The following TBL3 variants were observed in gnomAD, a reference collection of about 807,000 sequenced individuals.
TBL3 encodes the protein transducin beta-like protein 3.
In TBL3, 71 loss-of-function variants were observed where a neutral mutation model predicts 102.7. That is an observed-to-expected ratio of 0.69 (90% CI 0.57 to 0.84). TBL3 has a LOEUF of 0.84. TBL3 is among the 40% of genes least tolerant of loss of function. TBL3 has a pLI of 0.00. For synonymous variants in TBL3, 578 were observed against 477.7 expected, an observed-to-expected ratio of 1.21 and a Z score of -2.74; for missense variants, 1,188 against 1,098.5, an observed-to-expected ratio of 1.08 and a Z score of -1.15.
Position 1,979,102 on chromosome 16 carries a change from G to T in TBL3, c.*417G>T. The T allele has an allele frequency of 6.7e-7, 1 of 1,499,794 alleles. No homozygotes were observed. Among genetic ancestry groups the T allele is most frequent in the Non-Finnish European group, 8.8e-7 (1 of 1,139,880 alleles). The allele number at this position is 1,499,794 out of a possible 1,614,324, so 92.9% of individuals were successfully genotyped here. On this transcript the variant is annotated 3_prime_UTR_variant, in exon 22 of 22. Coordinates refer to ENST00000568546, the MANE Select transcript of TBL3 (RefSeq NM_006453.3). ...ACAGAGTCCACGCACCCTCGAGGGCGGCCCTGGCGCCGTGGGCGCCGCTCC... is the reference window on the plus strand; with the variant it reads ...ACAGAGTCCACGCACCCTCGAGGGCTGCCCTGGCGCCGTGGGCGCCGCTCC...
chr16:1,978,527 CT>C (rs1182308531), intron 21 of TBL3, 24 bp from the exon 22 acceptor site: 19 of 1,594,118 alleles, frequency 1.2e-5, no homozygotes, highest in African/African-American at 5.4e-5. Flanking sequence ...GACCACCCCC[CT>C]GACCTCCCTC....
chr16:1,975,123 G>A (rs1377366752), intron 7 of TBL3, 25 bp downstream of exon 7: 3 of 1,613,022 alleles, frequency 1.9e-6, no homozygotes, highest in Non-Finnish European at 2.5e-6. Flanking sequence ...CTGGTAGGAG[G>A]GGGAGGCTTG....
rs2083448937 is a variant in TBL3, at chr16:1,979,400, C to T, written c.*715C>T. On this transcript the variant is annotated 3_prime_UTR_variant, in exon 22 of 22. Coordinates refer to ENST00000568546, the MANE Select transcript of TBL3 (RefSeq NM_006453.3). ...GCCCCGCCCGCCTCGGCTAGCCTGC[C>T]CTGCCCACGCCCGCTCCCGCGTACC... 1 of 1,601,602 alleles carries T rather than the reference C, an allele frequency of 6.2e-7. No individual in the cohort carries two copies. The highest frequency in any genetic ancestry group is 1.7e-5 in the Admixed American group (1 of 59,702).
At position 1,978,469 on chromosome 16, in the gene TBL3, C is replaced by G; in HGVS notation, c.2291C>G (p.Thr764Ser). The G allele has an allele frequency of 6.2e-7, 1 of 1,601,612 alleles. No individual in the cohort carries two copies. The highest frequency in any genetic ancestry group is 8.5e-7 in the Non-Finnish European group (1 of 1,173,488). Residue 764 changes from threonine to serine, a missense_variant and splice_region_variant, in exon 21 of 22, where the codon ACT becomes AGT. Thr to Ser is a moderately conservative substitution (Grantham distance 58, BLOSUM62 1). Transcript: ENST00000568546. The stretch of plus-strand genomic sequence containing the variant: ...GCGCTTGAGGCCCTGCTGCCCTACA[C>G]TGGTATGTGGGCACAGCCTGGGGTT... The part of the protein sequence containing the change: ...RAALEALLPY[T>S]ERHFQRLSRT...
In TBL3 at chr16:1,979,874, G is replaced by T. The variant is rs779326855; in HGVS notation, c.*1189G>T. 1 of 1,581,016 alleles carries T rather than the reference G, an allele frequency of 6.3e-7. No individual in the cohort carries two copies. Among genetic ancestry groups the T allele is most frequent in the East Asian group, 2.3e-5 (1 of 42,746 alleles). On this transcript the variant is annotated 3_prime_UTR_variant, in exon 22 of 22. Transcript: ENST00000568546. ...TAGGGCGCTGGAAACCAGGCGGTCT[G>T]CCGGTCTTCGTTCTCCACCAGCCAC...
At chr16:1,973,854 G>A (rs1486359914) in intron 1 of TBL3, among the ~76,000 whole-genome samples, 3 of 152,170 alleles carry the variant, frequency 2.0e-5, no homozygotes, top group Non-Finnish European at 2.9e-5. Flanking sequence ...AGCCAGCTGC[G>A]GGTCTCTACT....
In TBL3 at chr16:1,979,082, G is replaced by A. The variant is rs11647257; in HGVS notation, c.*397G>A. Reference sequence around the variant, plus strand: ...GCTCCGTCGTGGGGTGCGGCACAGAGTCCACGCACCCTCGAGGGCGGCCCT... The same window carrying A: ...GCTCCGTCGTGGGGTGCGGCACAGAATCCACGCACCCTCGAGGGCGGCCCT... On this transcript the variant is annotated 3_prime_UTR_variant, in exon 22 of 22. Coordinates refer to ENST00000568546, the MANE Select transcript of TBL3 (RefSeq NM_006453.3). 0.092 allele frequency: 140,536 copies of A among 1,525,912 alleles called. 6,957 individuals carry two copies. The highest frequency in any genetic ancestry group is 0.14 in the Middle Eastern group (621 of 4,380). The allele number at this position is 1,525,912 out of a possible 1,614,324, so 94.5% of individuals were successfully genotyped here. A position where few individuals can be genotyped will look rare whatever the true frequency, so the allele number is the denominator to read the frequency against.
chr16:1,979,806 C>T lies in TBL3; in HGVS notation c.*1121C>T, dbSNP rs749466515. The T allele has an allele frequency of 1.3e-6, 2 of 1,557,456 alleles. No individual in the cohort carries two copies. The highest frequency in any genetic ancestry group is 1.2e-5 in the South Asian group (1 of 85,252). ...GGCGCATACCGCTGCTCCCTAGGGA[C>T]GGGCCTCCCTCCCGGCCTTGGCCCG... On this transcript the variant is annotated 3_prime_UTR_variant, in exon 22 of 22. Transcript: ENST00000568546.
At position 1,978,750 on chromosome 16, in the gene TBL3, C is replaced by A; in HGVS notation, c.*65C>A. 6.4e-7 allele frequency: 1 copy of A among 1,560,754 alleles called. No homozygotes were observed. Among genetic ancestry groups the A allele is most frequent in the Non-Finnish European group, 8.7e-7 (1 of 1,147,456 alleles). ...AAACCCATAAAGGCCGCTCTCCTGG[C>A]CGGCTCTGTCTCTCTGGACTGCAGT... On this transcript the variant is annotated 3_prime_UTR_variant, in exon 22 of 22. Coordinates refer to ENST00000568546, the MANE Select transcript of TBL3 (RefSeq NM_006453.3).
chr16:1,972,587 C>G (rs2083368310), intron 1 of TBL3, among the ~76,000 whole-genome samples: 1 of 152,246 alleles, frequency 6.6e-6, no homozygotes. Context: ...CATCCGCGAT[C>G]CGTCTTCTCC....
intron 1 of TBL3, among the ~76,000 whole-genome samples, chr16:1,972,453 A>T (rs570963704): frequency 6.6e-6 from 1 of 152,044 alleles, no homozygotes; most frequent in Non-Finnish European, 1.5e-5. Flanking sequence ...GAAGCCGGCT[A>T]TGGGGTGGAG....
chr16:1,978,343 A>T lies in TBL3; in HGVS notation c.2165A>T (p.Asn722Ile), dbSNP rs938537225. The stretch of plus-strand genomic sequence containing the variant: ...CTGCTGCGCTTCTGCGTCACGTGGA[A>T]CACCAACTCGCGGCACTGCCACGAG... Reference protein sequence around the residue: ...EALLRFCVTWNTNSRHCHEAQ... With the variant: ...EALLRFCVTWITNSRHCHEAQ... The change falls in exon 21 of 22, where the codon AAC becomes ATC. Residue 722 changes from asparagine to isoleucine, a missense_variant. Asn to Ile is a moderately radical substitution (Grantham distance 149). Transcript: ENST00000568546. 16 of 1,610,746 alleles carry T rather than the reference A, an allele frequency of 9.9e-6. No homozygotes were observed. Among genetic ancestry groups the T allele is most frequent in the Middle Eastern group, 1.6e-4 (1 of 6,070 alleles).
Position 1,980,271 on chromosome 16 carries a change from C to T in TBL3, c.*1586C>T, listed in dbSNP as rs1457067902. The T allele has an allele frequency of 4.6e-6, 7 of 1,514,704 alleles. No individual in the cohort carries two copies. In the East Asian group the frequency reaches 1.2e-4, roughly 25 times the overall value. The allele number at this position is 1,514,704 out of a possible 1,614,324, so 93.8% of individuals were successfully genotyped here. ...CCCCGGCAAGACCGCCAGCCTCCCACTCTCTGCCCCTATTCGCTGGCTGTT... is the reference window on the plus strand; with the variant it reads ...CCCCGGCAAGACCGCCAGCCTCCCATTCTCTGCCCCTATTCGCTGGCTGTT... On this transcript the variant is annotated 3_prime_UTR_variant, in exon 22 of 22. Coordinates refer to ENST00000568546, the MANE Select transcript of TBL3 (RefSeq NM_006453.3).
In TBL3 at chr16:1,979,274, C is replaced by A. The variant is rs764304167; in HGVS notation, c.*589C>A. 1 of 1,548,846 alleles carries A rather than the reference C, an allele frequency of 6.5e-7. No individual in the cohort carries two copies. Among genetic ancestry groups the A allele is most frequent in the East Asian group, 2.4e-5 (1 of 41,168 alleles). The stretch of plus-strand genomic sequence containing the variant: ...CCGGGTCGTCTCCTCCACGGAACCC[C>A]GTCCCGCTCAGGAGAGCGCCCAGCC... On this transcript the variant is annotated 3_prime_UTR_variant, in exon 22 of 22. Transcript: ENST00000568546.
Position 1,977,735 on chromosome 16 carries a change from A to T in TBL3, c.1900-7A>T. 6.4e-7 allele frequency: 1 copy of T among 1,553,142 alleles called. No individual in the cohort carries two copies. On this transcript the variant is annotated splice_polypyrimidine_tract_variant and splice_region_variant and intron_variant, in intron 17 of 21. Transcript: ENST00000568546. ...GGAGGCCCCATCTGACCCTAGTCTA[A>T]CCCCAGGATGTGACCGAGGCGGAGC...
chr16:1,977,357 C>G lies in TBL3; in HGVS notation c.1673C>G (p.Thr558Arg), dbSNP rs2083411561. 6.2e-7 allele frequency: 1 copy of G among 1,613,142 alleles called. No individual in the cohort carries two copies. The highest frequency in any genetic ancestry group is 8.5e-7 in the Non-Finnish European group (1 of 1,179,938). ...WALQDFSCLK[T>R]FEGHDASVLK... Reference sequence around the variant, plus strand: ...CATGCCCTACCCCCCACCTTGCAGACATTTGAGGGGCACGATGCTTCTGTG... The same window carrying G: ...CATGCCCTACCCCCCACCTTGCAGAGATTTGAGGGGCACGATGCTTCTGTG... The change falls in exon 16 of 22, where the codon ACA (threonine) becomes AGA (arginine). Residue 558 changes from threonine to arginine, a missense_variant and splice_region_variant. Thr to Arg is a moderately conservative substitution (Grantham distance 71, BLOSUM62 -1). Coordinates refer to ENST00000568546, the MANE Select transcript of TBL3 (RefSeq NM_006453.3).
chr16:1,979,838 C>A lies in TBL3; in HGVS notation c.*1153C>A. On this transcript the variant is annotated 3_prime_UTR_variant, in exon 22 of 22. Coordinates refer to ENST00000568546, the MANE Select transcript of TBL3 (RefSeq NM_006453.3). ...CCCTCCCGGCCTTGGCCCGGGGCCGCCTCCTCCAGGTAGGGCGCTGGAAAC... is the reference window on the plus strand; with the variant it reads ...CCCTCCCGGCCTTGGCCCGGGGCCGACTCCTCCAGGTAGGGCGCTGGAAAC... The A allele has an allele frequency of 6.3e-7, 1 of 1,576,638 alleles. No individual in the cohort carries two copies. Among genetic ancestry groups the A allele is most frequent in the Non-Finnish European group, 8.6e-7 (1 of 1,162,636 alleles).
chr16:1,976,905 C>T lies in TBL3; in HGVS notation c.1384C>T (p.Pro462Ser). The change falls in exon 14 of 22, where the codon CCA (proline) becomes TCA (serine). Residue 462 changes from proline (P) to serine (S), a missense_variant. By Grantham distance (74) the Pro-to-Ser change is moderately conservative (BLOSUM62 -1). Coordinates refer to ENST00000568546, the MANE Select transcript of TBL3 (RefSeq NM_006453.3). ...AGCCTTGCTGTCCAAGAACACAGCC[C>T]CAGACAACGGCCCTATCCTCCTGCA... ...PKALLSKNTA[P>S]DNGPILLQAQ... The T allele has an allele frequency of 6.2e-7, 1 of 1,613,992 alleles. No individual in the cohort carries two copies. The highest frequency in any genetic ancestry group is 8.5e-7 in the Non-Finnish European group (1 of 1,180,016).
In TBL3 at chr16:1,980,559, A is replaced by G; in HGVS notation, c.*1874A>G. On this transcript the variant is annotated 3_prime_UTR_variant, in exon 22 of 22. Transcript: ENST00000568546. ...CAGTGGTGCATCTTAAGGCACCACAAAAACGTACTGTGATACGCCGCTTTG... is the reference window on the plus strand; with the variant it reads ...CAGTGGTGCATCTTAAGGCACCACAGAAACGTACTGTGATACGCCGCTTTG... The G allele has an allele frequency of 1.9e-6, 3 of 1,599,708 alleles. No homozygotes were observed. The highest frequency in any genetic ancestry group is 2.6e-6 in the Non-Finnish European group (3 of 1,173,244).
Sources: allele counts gnomAD v4.1 joint callset (sites outside exome capture counted in the v4.1 genomes callset), GRCh38; gene constraint gnomAD v4.1.1; transcripts MANE v1.5; gene names NCBI Gene and HGNC (gene_info 2026-07-23, HGNC 2026-07-21).